MARK4: variants seen among roughly 807,000 people sequenced by gnomAD.
The protein encoded by MARK4 is MAP/microtubule affinity-regulating kinase 4.
MARK4 carries 19 observed loss-of-function variants against 81.5 expected under a neutral mutation model. The observed-to-expected ratio is 0.23, with a 90% CI of 0.16 to 0.34. The LOEUF (loss-of-function observed/expected upper bound fraction) is 0.34, where lower values mean the gene tolerates loss of function less well. Ranked by LOEUF, MARK4 falls within the 10% of genes least tolerant of loss-of-function variation. The pLI is 1.00. For synonymous variants in MARK4, 436 were observed against 439.0 expected (o/e 0.99, Z 0.08); for missense variants, 772 against 1,058.8 (o/e 0.73, Z 3.76).
chr19:45,257,609 C>G (rs1970324447), intron 1 of MARK4, among the ~76,000 whole-genome samples: 1 of 151,818 alleles, frequency 6.6e-6, no homozygotes, highest in Non-Finnish European at 1.5e-5. Flanking sequence ...GTTTCACACT[C>G]TGACCTCAGG....
At chr19:45,263,739 C>T (rs1289236070) in intron 4 of MARK4, among the ~76,000 whole-genome samples, 1 of 144,478 alleles carries the variant, frequency 6.9e-6, no homozygotes, top group Non-Finnish European at 1.5e-5. Context: ...GAGACTTCAT[C>T]TCAAAAAAAA....
At chr19:45,283,277 C>T (rs1317606160) in intron 12 of MARK4, among the ~76,000 whole-genome samples, 1 of 151,648 alleles carries the variant, frequency 6.6e-6, no homozygotes, top group Non-Finnish European at 1.5e-5. Context: ...GGCGTAGTGG[C>T]AGGCGTCTGT....
chr19:45,286,786 T>A (rs941625273), intron 12 of MARK4, among the ~76,000 whole-genome samples: 1 of 152,084 alleles, frequency 6.6e-6, no homozygotes, highest in African/African-American at 2.4e-5. Flanking sequence ...TGAAACAAGT[T>A]ATAGTCCTTT....
At chr19:45,292,132 A>G (rs549011176) in intron 13 of MARK4, among the ~76,000 whole-genome samples, 1 of 152,224 alleles carries the variant, frequency 6.6e-6, no homozygotes, top group East Asian at 1.9e-4. Context: ...TATCCTCAAC[A>G]TAGGAACAGG....
intron 1 of MARK4, among the ~76,000 whole-genome samples, chr19:45,257,151 G>A (rs527541546): frequency 1.3e-5 from 2 of 151,518 alleles, no homozygotes; most frequent in East Asian, 1.9e-4. Context: ...TCTAGAGATG[G>A]GTGTCTCGCT....
chr19:45,294,514 C>A, intron 14 of MARK4, 62 bp downstream of exon 14: 1 of 1,408,926 alleles, frequency 7.1e-7, no homozygotes, highest in Non-Finnish European at 1.0e-6. Flanking sequence ...ACAGGACCTC[C>A]CTTGATCTGA....
At position 45,262,866 on chromosome 19, in the gene MARK4, G is replaced by A. The variant is rs183524697; in HGVS notation, c.253-247G>A. ...TGCAACCTCTGCCTCCCAGGCTCAAGCGATTCTTCCAACTCAGCCTCCAGA... is the reference window on the plus strand; with the variant it reads ...TGCAACCTCTGCCTCCCAGGCTCAAACGATTCTTCCAACTCAGCCTCCAGA... On this transcript the variant is annotated intron_variant, in intron 2 of 16. Coordinates refer to ENST00000262891, the MANE Select transcript of MARK4 (RefSeq NM_001199867.2). 33 of 461,070 alleles carry A rather than the reference G, an allele frequency of 7.2e-5. No individual in the cohort carries two copies. In the East Asian group the frequency reaches 1.3e-3, roughly 19 times the overall value. The allele number at this position is 461,070 out of a possible 1,614,324, so 28.6% of individuals were successfully genotyped here.
At chr19:45,274,831 G>C (rs897458354) in intron 8 of MARK4, among the ~76,000 whole-genome samples, 12 of 152,156 alleles carry the variant, frequency 7.9e-5, no homozygotes, top group Non-Finnish European at 1.5e-4. Context: ...TCCCCACCAG[G>C]CACCCCAGGC....
At chr19:45,280,832 C>A in intron 12 of MARK4, 98 bp downstream of exon 12, 1 of 1,509,202 alleles carries the variant, frequency 6.6e-7, no homozygotes, top group Non-Finnish European at 9.0e-7. Flanking sequence ...AACAGAAACC[C>A]ACTGGAGCTA....
At position 45,254,295 on chromosome 19, in the gene MARK4, C is replaced by T. The variant is rs113761630; in HGVS notation, c.51+2656C>T. On this transcript the variant is annotated intron_variant, in intron 1 of 16. Transcript: ENST00000262891. The stretch of plus-strand genomic sequence containing the variant: ...CCCCAGGGGCTTTGTCACCCACTGC[C>T]CCAGCTGCCCCTCGCAGGGGTCCCT... Among the ~76,000 whole-genome samples, 115 of 152,334 alleles carry T rather than the reference C, an allele frequency of 7.5e-4. 1 individual carries two copies. Among genetic ancestry groups the T allele is most frequent in the Admixed American group, 1.8e-3 (28 of 15,304 alleles).
intron 13 of MARK4, among the ~76,000 whole-genome samples, chr19:45,289,630 C>T (rs950187352): frequency 1.7e-4 from 25 of 146,480 alleles, no homozygotes; most frequent in Non-Finnish European, 3.2e-4. Context: ...CTTAGCCAGG[C>T]GTGGTGGTGC....
rs1328543420 is a variant in MARK4 at position 45,297,671 on chromosome 19, C to T, written c.1599-5C>T. 11 of 1,515,978 alleles carry T rather than the reference C, an allele frequency of 7.3e-6. No homozygotes were observed. The highest frequency in any genetic ancestry group is 2.3e-5 in the Admixed American group (1 of 44,192). 93.9% of individuals were successfully genotyped at this position (1,515,978 alleles called of 1,614,324 possible). ...CCACCCTGACTTGTCTGTCTCTGCC[C>T]ACAGCTCAGGCACCCCACGGGTGCC... On this transcript the variant is annotated splice_region_variant and splice_polypyrimidine_tract_variant and intron_variant, in intron 14 of 16. Coordinates refer to ENST00000262891, the MANE Select transcript of MARK4 (RefSeq NM_001199867.2).
In MARK4 at chr19:45,302,615, C is replaced by G. The variant is rs1970992364; in HGVS notation, c.2164C>G (p.Pro722Ala). The G allele has an allele frequency of 6.4e-7, 1 of 1,554,264 alleles. No individual in the cohort carries two copies. The highest frequency in any genetic ancestry group is 1.4e-5 in the African/African-American group (1 of 73,772). The stretch of plus-strand genomic sequence containing the variant: ...AGTGGAGGTCTGCCAGCTGCCCCGG[C>G]CAGGCTTGCGGGGAGTTCTCTTCCG... ...FEVEVCQLPR[P>A]GLRGVLFRRV... Residue 722 changes from proline to alanine, a missense_variant, in exon 17 of 17, where the codon CCA (proline) becomes GCA (alanine). By Grantham distance (27) the Pro-to-Ala change is conservative. This residue lies in a region of MARK4 where 548 missense variants were observed against 624.3 expected (regional missense o/e 0.88). Coordinates refer to ENST00000262891, the MANE Select transcript of MARK4 (RefSeq NM_001199867.2). This position sits in a 1 kb window ranked among gnomAD's most constrained non-coding sequence, Gnocchi z 4.9.
intron 2 of MARK4, 113 bp from the exon 3 acceptor site, chr19:45,263,000 A>T: frequency 7.9e-7 from 1 of 1,271,052 alleles, no homozygotes; most frequent in Non-Finnish European, 1.1e-6. Flanking sequence ...CCTGGCCTCA[A>T]GTGATCCTCC....
At chr19:45,270,737 C>G (rs1181294283) in intron 7 of MARK4, among the ~76,000 whole-genome samples, 1 of 151,904 alleles carries the variant, frequency 6.6e-6, no homozygotes, top group African/African-American at 2.4e-5. Context: ...GTACCTGGGA[C>G]TACTGGCGCA....
rs1415739827 is a variant in MARK4, at chr19:45,304,071, T to C, written c.*1361T>C. 1 of 152,278 alleles carries C rather than the reference T, an allele frequency of 6.6e-6. No individual in the cohort carries two copies. Among genetic ancestry groups the C allele is most frequent in the Non-Finnish European group, 1.5e-5 (1 of 68,052 alleles). 9.4% of individuals were successfully genotyped at this position (152,278 alleles called of 1,614,324 possible). ...CAAAAAGGTATTTGTTGGTTTATGT[T>C]ACTTAATAGTCCAGGGGCACCTGGC... On this transcript the variant is annotated 3_prime_UTR_variant, in exon 17 of 17. Transcript: ENST00000262891.
intron 1 of MARK4, among the ~76,000 whole-genome samples, chr19:45,252,793 C>G (rs1209052224): frequency 2.0e-5 from 3 of 152,116 alleles, no homozygotes; most frequent in African/African-American, 2.4e-5. Context: ...CAGGGCTCAG[C>G]CTTTATTCAT....
At chr19:45,255,973 AG>A (rs1338788419) in intron 1 of MARK4, among the ~76,000 whole-genome samples, 1 of 152,262 alleles carries the variant, frequency 6.6e-6, no homozygotes, top group Non-Finnish European at 1.5e-5. Flanking sequence ...GAGGCCAGGG[AG>A]GGACAGGACA....
chr19:45,299,193 T>C (rs1970933177), intron 15 of MARK4, among the ~76,000 whole-genome samples: 1 of 151,830 alleles, frequency 6.6e-6, no homozygotes, highest in African/African-American at 2.4e-5. Context: ...CCCAGCACTT[T>C]GGACAGATGA....
Sources: gnomAD v4.1 joint callset for allele counts (sites outside exome capture counted in the v4.1 genomes callset) on GRCh38, gnomAD v4.1.1 for gene constraint, gnomAD v4.1.1 regional missense constraint, Gnocchi (gnomAD v3.1) non-coding constraint, MANE v1.5 for transcripts, NCBI Gene and HGNC (gene_info 2026-07-23, HGNC 2026-07-21) for gene names.